UTS2: variants seen among roughly 807,000 people sequenced by gnomAD.
The protein encoded by UTS2 is urotensin-2.
UTS2 carries 10 observed loss-of-function variants against 12.6 expected under a neutral mutation model. That is an observed-to-expected ratio of 0.80 (90% CI 0.49 to 1.35). The LOEUF (loss-of-function observed/expected upper bound fraction) is 1.35, where lower values mean the gene tolerates loss of function less well. Among genes scored for constraint, UTS2 ranks in the 40% most tolerant of loss-of-function variants. UTS2 has a pLI of 0.00. For synonymous variants in UTS2, 52 were observed against 50.0 expected (o/e 1.04, Z -0.17); for missense variants, 142 against 143.2 (o/e 0.99, Z 0.04).
At chr1:7,898,044 T>G in the UTS2 span, among the ~76,000 whole-genome samples, 1 of 152,140 alleles carries the variant, frequency 6.6e-6, no homozygotes, top group Non-Finnish European at 1.5e-5. Context: ...TAAACTTCTC[T>G]TGTTATTTCT....
chr1:7,891,578 A>AAGAAAGAAAGAG, the UTS2 span, among the ~76,000 whole-genome samples: 1 of 151,530 alleles, frequency 6.6e-6, no homozygotes, highest in Non-Finnish European at 1.5e-5. Context: ...GAAAGAAAGA[A>AAGAAAGAAAGAG]AGAAAGAAAG....
the UTS2 span, among the ~76,000 whole-genome samples, chr1:7,904,076 A>G: frequency 2.0e-3 from 310 of 152,280 alleles, no homozygotes; most frequent in African/African-American, 7.2e-3. Context: ...ATTTTTTAAA[A>G]ATAAATTTAT....
At chr1:7,863,002 TGTATTGTATTGTATTG>T in the UTS2 span, among the ~76,000 whole-genome samples, 2 of 19,618 alleles carry the variant, frequency 1.0e-4, no homozygotes, top group South Asian at 3.2e-3. Context: ...TGTATTGTAT[TGTATTGTATTGTATTG>T]TATTGTATTG....
the UTS2 span, among the ~76,000 whole-genome samples, chr1:7,910,498 C>G: frequency 1.3e-5 from 2 of 152,140 alleles, no homozygotes; most frequent in Admixed American, 6.5e-5. Flanking sequence ...TTGTCCAATC[C>G]TATCTCTACA....
the UTS2 span, among the ~76,000 whole-genome samples, chr1:7,889,442 C>CAAAAAAAAA: frequency 1.2e-5 from 1 of 85,378 alleles, no homozygotes; most frequent in Non-Finnish European, 2.2e-5. Flanking sequence ...ATCTTATCAC[C>CAAAAAAAAA]AAAAAAAAAA....
the UTS2 span, among the ~76,000 whole-genome samples, chr1:7,886,848 C>T: frequency 1.3e-5 from 2 of 151,690 alleles, no homozygotes; most frequent in Non-Finnish European, 2.9e-5. Context: ...GTTAGCAGTT[C>T]GAGACCAGCC....
chr1:7,872,999 T>C, the UTS2 span, among the ~76,000 whole-genome samples: 153 of 152,336 alleles, frequency 1.0e-3, no homozygotes, highest in African/African-American at 3.4e-3. Context: ...CCAAAAATCC[T>C]AGGGCCCTTA....
the UTS2 span, among the ~76,000 whole-genome samples, chr1:7,904,307 A>G: frequency 2.1e-5 from 3 of 141,210 alleles, no homozygotes; most frequent in Non-Finnish European, 4.4e-5. Flanking sequence ...CTCTACAAAA[A>G]ATAAAAAAAA....
In UTS2 at chr1:7,850,780, C is replaced by T. The variant is rs183976354; in HGVS notation, c.214+32G>A. 440 of 1,604,510 alleles carry T rather than the reference C, an allele frequency of 2.7e-4. 1 individual carries two copies. Among genetic ancestry groups the T allele is most frequent in the Middle Eastern group, 3.3e-4 (2 of 6,012 alleles). On this transcript the variant is annotated intron_variant, in intron 2 of 3. Coordinates refer to ENST00000361696, the MANE Select transcript of UTS2 (RefSeq NM_006786.4). ...ACGGTAAGTTCAGTAGCAATTAAAT[C>T]AGACACGCTATAAACATGAGAAGCA...
At chr1:7,899,852 G>T in the UTS2 span, among the ~76,000 whole-genome samples, 1 of 152,206 alleles carries the variant, frequency 6.6e-6, no homozygotes, top group Non-Finnish European at 1.5e-5. Flanking sequence ...TGTGGTCAAT[G>T]TGTTGGTCAG....
chr1:7,876,440 G>T, the UTS2 span, among the ~76,000 whole-genome samples: 1 of 152,166 alleles, frequency 6.6e-6, no homozygotes, highest in African/African-American at 2.4e-5. Context: ...TGCTGCAGAG[G>T]GGGGAGGGCA....
chr1:7,879,376 T>TA, the UTS2 span, among the ~76,000 whole-genome samples: 1 of 152,190 alleles, frequency 6.6e-6, no homozygotes, highest in East Asian at 1.9e-4. Context: ...ACTACACAAA[T>TA]ACATGGAAAT....
the UTS2 span, among the ~76,000 whole-genome samples, chr1:7,909,274 T>C: frequency 0.063 from 9,524 of 152,108 alleles, 1,004 homozygotes; most frequent in African/African-American, 0.22. Flanking sequence ...TTTTTAGTAC[T>C]GGGCTTACGC....
chr1:7,900,177 T>A, the UTS2 span, among the ~76,000 whole-genome samples: 1 of 151,716 alleles, frequency 6.6e-6, no homozygotes, highest in Non-Finnish European at 1.5e-5. Context: ...CAGGAGAGGA[T>A]CACTTGAGCT....
the UTS2 span, among the ~76,000 whole-genome samples, chr1:7,860,386 C>T: frequency 6.6e-6 from 1 of 152,028 alleles, no homozygotes. Context: ...GTTTGAGGAA[C>T]AGCCAGGAGG....
At chr1:7,867,921 C>T in the UTS2 span, among the ~76,000 whole-genome samples, 136,056 of 152,212 alleles carry the variant, frequency 0.89, 60,982 homozygotes, top group East Asian at 0.96. Context: ...TAAGTCTCTG[C>T]TATTTAAGCT....
the UTS2 span, among the ~76,000 whole-genome samples, chr1:7,883,241 T>G: frequency 6.6e-6 from 1 of 152,228 alleles, no homozygotes; most frequent in Non-Finnish European, 1.5e-5. Flanking sequence ...CAACATGGAT[T>G]GAACTTGAAT....
chr1:7,871,246 C>T, the UTS2 span, among the ~76,000 whole-genome samples: 1 of 152,212 alleles, frequency 6.6e-6, no homozygotes, highest in Non-Finnish European at 1.5e-5. Flanking sequence ...TTTGTGAGAT[C>T]GTCCCTGTTC....
chr1:7,887,592 C>CAAA, the UTS2 span, among the ~76,000 whole-genome samples: 459 of 61,850 alleles, frequency 7.4e-3, no homozygotes, highest in Non-Finnish European at 9.2e-3. Flanking sequence ...CCAGTCTCTA[C>CAAA]AAAAAAAAAA....
Sources: gnomAD v4.1 joint callset for allele counts (sites outside exome capture counted in the v4.1 genomes callset) on GRCh38, gnomAD v4.1.1 for gene constraint, MANE v1.5 for transcripts, NCBI Gene and HGNC (gene_info 2026-07-23, HGNC 2026-07-21) for gene names.